Variants in HDAC5 observed in about 807,000 individuals in gnomAD.
HDAC5 encodes antigen NY-CO-9.
HDAC5 carries 25 observed loss-of-function variants against 133.3 expected under a neutral mutation model. That is an observed-to-expected ratio of 0.19 (90% confidence interval 0.14 to 0.26). The LOEUF is 0.26. Among genes scored for constraint, HDAC5 ranks in the 10% least tolerant of loss-of-function variants. HDAC5 has a pLI of 1.00. For missense variants in HDAC5, 1,041 were observed against 1,460.5 expected (o/e 0.71, Z 4.68); for synonymous variants, 589 against 610.8 (o/e 0.96, Z 0.53).
intron 2 of HDAC5, among the ~76,000 whole-genome samples, chr17:44,116,668 A>G (rs537288341): frequency 6.6e-6 from 1 of 152,170 alleles, no homozygotes; most frequent in Non-Finnish European, 1.5e-5. Context: ...GAGGAGGAGG[A>G]GACGACAGCC....
intron 3 of HDAC5, among the ~76,000 whole-genome samples, chr17:44,104,976 T>C (rs1284689387): frequency 3.3e-5 from 5 of 152,264 alleles, no homozygotes; most frequent in East Asian, 3.9e-4. Flanking sequence ...CAATTCCCCC[T>C]GTTTTCAGAG....
chr17:44,083,918 G>A lies in HDAC5; in HGVS notation c.2306-64C>T. ...TCGGGCGGATCACCTGAGGTCAGGA[G>A]TTCGAGACCAGCCTGGACAACATGA... On this transcript the variant is annotated intron_variant, in intron 16 of 26. Transcript: ENST00000682912. The A allele has an allele frequency of 4.7e-6, 6 of 1,287,920 alleles. No individual in the cohort carries two copies. In the South Asian group the frequency reaches 7.1e-5, roughly 15 times the overall value. The allele number at this position is 1,287,920 out of a possible 1,614,324, so 79.8% of individuals were successfully genotyped here.
intron 3 of HDAC5, among the ~76,000 whole-genome samples, chr17:44,109,950 T>C (rs1336339136): frequency 6.6e-6 from 1 of 151,870 alleles, no homozygotes; most frequent in Non-Finnish European, 1.5e-5. Context: ...TTCCTGGGAG[T>C]GAGGGAAGGA....
rs769854811 is a variant in HDAC5 at position 44,083,845 on chromosome 17, C to T, written c.2315G>A (p.Ser772Asn). ...AGGCAGCACAGCATACATCTTCTGGCTGATGGGGCCTGCATGGAAGAGGAA... is the reference window on the plus strand; with the variant it reads ...AGGCAGCACAGCATACATCTTCTGGTTGATGGGGCCTGCATGGAAGAGGAA... ...LDSKKLLGPI[S>N]QKMYAVLPCG... The change falls in exon 17 of 27, where the codon AGC becomes AAC. Residue 772 changes from serine to asparagine, a missense_variant. Around this residue, in one of 9 missense-constraint regions of HDAC5, gnomAD observed 31 missense variants for 27.0 expected, o/e 1.15. Coordinates refer to ENST00000682912, the MANE Select transcript of HDAC5 (RefSeq NM_005474.5). 8.7e-6 allele frequency: 14 copies of T among 1,613,368 alleles called. No homozygotes were observed. Among genetic ancestry groups the T allele is most frequent in the Non-Finnish European group, 1.2e-5 (14 of 1,179,786 alleles).
Position 44,093,220 on chromosome 17 carries a change from C to T in HDAC5, c.527-14G>A, listed in dbSNP as rs762983186. On this transcript the variant is annotated splice_polypyrimidine_tract_variant and intron_variant, in intron 5 of 26. Transcript: ENST00000682912. Reference sequence around the variant, plus strand: ...TGGCAATGGCACCTGCAGGACAGGGCACAACTGACCTGGCTGCTTGGGGCC... The same window carrying T: ...TGGCAATGGCACCTGCAGGACAGGGTACAACTGACCTGGCTGCTTGGGGCC... 5.0e-6 allele frequency: 8 copies of T among 1,598,762 alleles called. No individual in the cohort carries two copies. The highest frequency in any genetic ancestry group is 6.0e-6 in the Non-Finnish European group (7 of 1,170,028).
At position 44,092,817 on chromosome 17, in the gene HDAC5, G is replaced by T. The variant is rs751331535; in HGVS notation, c.642-11C>A. On this transcript the variant is annotated splice_polypyrimidine_tract_variant and intron_variant, in intron 6 of 26. Coordinates refer to ENST00000682912, the MANE Select transcript of HDAC5 (RefSeq NM_005474.5). ...GCATGGTGGGCTCCCCTGGGGTGGG[G>T]GGGGGGTGGGGATGGAAGCAGATCT... 4.3e-5 allele frequency: 37 copies of T among 863,872 alleles called. 1 individual carries two copies. The Admixed American group carries it at 4.5e-4, about 10-fold the overall frequency. 53.5% of individuals were successfully genotyped at this position (863,872 alleles called of 1,614,324 possible). A position where few individuals can be genotyped will look rare whatever the true frequency, so the allele number is the denominator to read the frequency against.
At chr17:44,109,920 G>C (rs1031256421) in intron 3 of HDAC5, among the ~76,000 whole-genome samples, 2 of 152,266 alleles carry the variant, frequency 1.3e-5, no homozygotes, top group Non-Finnish European at 2.9e-5. Context: ...GTGCCAGGAA[G>C]GCTTGATGCT....
At chr17:44,085,311 C>CCCTGT in intron 14 of HDAC5, 156 bp from the exon 15 acceptor site, 1 of 596,822 alleles carries the variant, frequency 1.7e-6, no homozygotes, top group Non-Finnish European at 2.6e-6. Flanking sequence ...CAAACCTGCC[C>CCCTGT]CCTCTCCTCT....
At chr17:44,083,918 G>T in intron 16 of HDAC5, 64 bp from the exon 17 acceptor site, 1 of 1,287,920 alleles carries the variant, frequency 7.8e-7, no homozygotes, top group Non-Finnish European at 1.1e-6. Context: ...GAGGTCAGGA[G>T]TTCGAGACCA....
At chr17:44,091,573 C>G in intron 10 of HDAC5, 81 bp from the exon 11 acceptor site, 1 of 1,484,426 alleles carries the variant, frequency 6.7e-7, no homozygotes, top group Non-Finnish European at 9.0e-7. Flanking sequence ...ACTATCTACC[C>G]CCCAAGCTCT....
intron 2 of HDAC5, among the ~76,000 whole-genome samples, chr17:44,115,024 T>C (rs1320476395): frequency 6.6e-6 from 1 of 152,020 alleles, no homozygotes; most frequent in Non-Finnish European, 1.5e-5. Context: ...TCACTCACAG[T>C]CTCCACCTGC....
intron 16 of HDAC5, among the ~76,000 whole-genome samples, chr17:44,084,195 G>A (rs546077212): frequency 6.6e-6 from 1 of 152,036 alleles, no homozygotes; most frequent in East Asian, 1.9e-4. Flanking sequence ...TCAGACCCAA[G>A]TACAAGACAG....
rs2051092245 is a variant in HDAC5, at chr17:44,093,783, C to T, written c.146G>A (p.Gly49Glu). Residue 49 changes from glycine (G) to glutamate (E), a missense_variant, in exon 4 of 27, where the codon GGG becomes GAG. By Grantham distance (98) the Gly-to-Glu change is moderately conservative. Around this residue, in one of 9 missense-constraint regions of HDAC5, gnomAD observed 93 missense variants for 98.8 expected, o/e 0.94. Coordinates refer to ENST00000682912, the MANE Select transcript of HDAC5 (RefSeq NM_005474.5). Reference sequence around the variant, plus strand: ...CACAGGGCTGGGGCTGCCTCCACCCCCACCCCCCATGGAACTGGGCATGGC... The same window carrying T: ...CACAGGGCTGGGGCTGCCTCCACCCTCACCCCCCATGGAACTGGGCATGGC... Reference protein sequence around the residue: ...PRAMPSSMGGGGGGSPSPVEL... With the variant: ...PRAMPSSMGGEGGGSPSPVEL... 1.9e-6 allele frequency: 3 copies of T among 1,567,356 alleles called. No individual in the cohort carries two copies. In the South Asian group the frequency reaches 3.5e-5, roughly 19 times the overall value.
At chr17:44,119,696 G>C (rs2052868063) in intron 1 of HDAC5, among the ~76,000 whole-genome samples, 1 of 152,344 alleles carries the variant, frequency 6.6e-6, no homozygotes, top group East Asian at 1.9e-4. Context: ...GAGCCTCCCT[G>C]AGAAACAAAG....
At chr17:44,079,012 CAGAA>C in intron 24 of HDAC5, 128 bp downstream of exon 24, 7 of 1,506,052 alleles carry the variant, frequency 4.6e-6, no homozygotes, top group Non-Finnish European at 6.4e-6. Context: ...AACGCATACT[CAGAA>C]AGCCTGGCCA....
intron 3 of HDAC5, among the ~76,000 whole-genome samples, chr17:44,105,968 G>C (rs1441620452): frequency 6.6e-6 from 1 of 152,188 alleles, no homozygotes; most frequent in Non-Finnish European, 1.5e-5. Flanking sequence ...CTTTGTTGGG[G>C]GGGCAGGGTG....
rs545662724 is a variant in HDAC5 at position 44,114,003 on chromosome 17, C to T, written c.23-3203G>A. 3.9e-5 allele frequency among the ~76,000 whole-genome samples: 5 copies of T among 127,968 alleles called. No homozygotes were observed. In the South Asian group the frequency reaches 1.1e-3, roughly 27 times the overall value. The allele number at this position is 127,968 out of a possible 152,430, so 84.0% of individuals were successfully genotyped here. On this transcript the variant is annotated intron_variant, in intron 2 of 26. Coordinates refer to ENST00000682912, the MANE Select transcript of HDAC5 (RefSeq NM_005474.5). ...GGAGCCCATCAGCATGGCCTGGGAG[C>T]TGCCATGTGCCAGCCAGGCCCCATG... is the stretch of plus-strand genomic sequence containing the variant.
intron 15 of HDAC5, 131 bp downstream of exon 15, chr17:44,084,891 T>A: frequency 7.6e-7 from 1 of 1,307,312 alleles, no homozygotes. Flanking sequence ...TGGAACGGGG[T>A]GGTGGGAGAA....
At chr17:44,122,759 C>T (rs1308825422) in intron 1 of HDAC5, among the ~76,000 whole-genome samples, 2 of 152,092 alleles carry the variant, frequency 1.3e-5, no homozygotes, top group African/African-American at 2.4e-5. Flanking sequence ...TAATAAGGCA[C>T]TGGTAGTGCC....
Sources: allele counts gnomAD v4.1 joint callset (sites outside exome capture counted in the v4.1 genomes callset), GRCh38; gene constraint gnomAD v4.1.1; regional missense constraint gnomAD v4.1.1; transcripts MANE v1.5; gene names NCBI Gene and HGNC (gene_info 2026-07-23, HGNC 2026-07-21).